Variants in SERPINB5 observed in about 807,000 individuals in gnomAD.
SERPINB5 encodes serpin family B member 5, also known as serpin B5.
A neutral mutation model predicts 32.2 loss-of-function variants in SERPINB5; 27 were observed. That is an observed-to-expected ratio of 0.84 (90% confidence interval 0.62 to 1.16). The LOEUF is 1.16. SERPINB5 is among the 50% of genes most tolerant of loss of function. The pLI is 0.00. For missense variants in SERPINB5, 388 were observed against 436.3 expected (o/e 0.89, Z 0.99); for synonymous variants, 154 against 157.4 (o/e 0.98, Z 0.16).
chr18:63,489,195 T>G (rs1259169422), intron 3 of SERPINB5, 152 bp from the exon 4 acceptor site: 5 of 429,564 alleles, frequency 1.2e-5, no homozygotes, highest in African/African-American at 2.0e-5. Flanking sequence ...AGAAATTCAC[T>G]GACTTCTACA....
chr18:63,498,429 G>A lies in SERPINB5; in HGVS notation c.568-691G>A, dbSNP rs564012755. Among the ~76,000 whole-genome samples the A allele has an allele frequency of 6.6e-6, 1 of 152,226 alleles. No homozygotes were observed. Among genetic ancestry groups the A allele is most frequent in the South Asian group, 2.1e-4 (1 of 4,822 alleles). The stretch of plus-strand genomic sequence containing the variant: ...AAAAGCCGTATAAATGGTTATGTGG[G>A]TTTGCAGTAGAATTTACTTTCAAGT... On this transcript the variant is annotated intron_variant, in intron 5 of 6. Coordinates refer to ENST00000382771, the MANE Select transcript of SERPINB5 (RefSeq NM_002639.5). The surrounding 1 kb of genome is among the most constrained non-coding windows in gnomAD (Gnocchi z 4.2).
chr18:63,504,131 C>G lies in SERPINB5; in HGVS notation c.*409C>G. 1 of 197,436 alleles carries G rather than the reference C, an allele frequency of 5.1e-6. No individual in the cohort carries two copies. The highest frequency in any genetic ancestry group is 1.1e-4 in the South Asian group (1 of 9,444). The allele number at this position is 197,436 out of a possible 1,614,324, so 12.2% of individuals were successfully genotyped here. On this transcript the variant is annotated 3_prime_UTR_variant, in exon 7 of 7. Coordinates refer to ENST00000382771, the MANE Select transcript of SERPINB5 (RefSeq NM_002639.5). The stretch of plus-strand genomic sequence containing the variant: ...AGAATGTTCCAGACATTCTCGCTTC[C>G]CTGAAAGACTGAAGAAAGTGTAGTG...
At chr18:63,489,294 CAA>C (rs1446934166) in intron 3 of SERPINB5, 51 bp from the exon 4 acceptor site, 34 of 996,260 alleles carry the variant, frequency 3.4e-5, no homozygotes, top group Non-Finnish European at 4.5e-5. Context: ...AAGAGAATAA[CAA>C]TGCAATAGCT....
intron 5 of SERPINB5, among the ~76,000 whole-genome samples, chr18:63,497,663 A>G (rs1180985462): frequency 6.6e-6 from 1 of 152,214 alleles, no homozygotes; most frequent in Non-Finnish European, 1.5e-5. Context: ...GAACACCCAT[A>G]TACCGATCAA....
Position 63,491,406 on chromosome 18 carries a change from A to ACCC in SERPINB5, c.425-1547_425-1546insCCC, listed in dbSNP as rs1909333417. ...GAGAAGAGAGAAACTGCGTCTCCCA[A>ACCC]AAAAAAAAAAAAAAAAAAAAAAGAA... On this transcript the variant is annotated intron_variant, in intron 4 of 6. Coordinates refer to ENST00000382771, the MANE Select transcript of SERPINB5 (RefSeq NM_002639.5). Among the ~76,000 whole-genome samples, 33 of 39,096 alleles carry ACCC rather than the reference A, an allele frequency of 8.4e-4. No individual in the cohort carries two copies. The East Asian group carries it at 9.5e-3, about 11-fold the overall frequency. 25.6% of individuals were successfully genotyped at this position (39,096 alleles called of 152,430 possible). A position where few individuals can be genotyped will look rare whatever the true frequency, so the allele number is the denominator to read the frequency against.
intron 1 of SERPINB5, among the ~76,000 whole-genome samples, chr18:63,479,782 A>G (rs6567361): frequency 0.57 from 86,783 of 151,886 alleles, 25,385 homozygotes; most frequent in Non-Finnish European, 0.65. Context: ...TGAAAGCAAC[A>G]TCATACCAAG....
chr18:63,503,927 T>C lies in SERPINB5; in HGVS notation c.*205T>C. The C allele has an allele frequency of 3.5e-6, 2 of 570,132 alleles. No homozygotes were observed. Among genetic ancestry groups the C allele is most frequent in the Non-Finnish European group, 6.1e-6 (2 of 327,804 alleles). The allele number at this position is 570,132 out of a possible 1,614,324, so 35.3% of individuals were successfully genotyped here. A position where few individuals can be genotyped will look rare whatever the true frequency, so the allele number is the denominator to read the frequency against. Reference sequence around the variant, plus strand: ...CTATCTTTTGTTTCCTTTTTTCCCATAAGACAATGACATACGCTTTTAATG... The same window carrying C: ...CTATCTTTTGTTTCCTTTTTTCCCACAAGACAATGACATACGCTTTTAATG... On this transcript the variant is annotated 3_prime_UTR_variant, in exon 7 of 7. Coordinates refer to ENST00000382771, the MANE Select transcript of SERPINB5 (RefSeq NM_002639.5).
intron 2 of SERPINB5, among the ~76,000 whole-genome samples, chr18:63,484,940 CA>C (rs1917185413): frequency 6.6e-6 from 1 of 151,918 alleles, no homozygotes. Context: ...AGGGTTTCAC[CA>C]TGTGGCCAGG....
intron 3 of SERPINB5, among the ~76,000 whole-genome samples, chr18:63,488,174 C>T (rs1178591969): frequency 6.6e-6 from 1 of 152,158 alleles, no homozygotes. Context: ...CTAATGTTTT[C>T]AGGTGAGATT....
chr18:63,483,228 A>G (rs952639056), intron 1 of SERPINB5, among the ~76,000 whole-genome samples: 1 of 152,066 alleles, frequency 6.6e-6, no homozygotes, highest in Non-Finnish European at 1.5e-5. Context: ...CTCCCATATT[A>G]CTTATTATAC....
intron 4 of SERPINB5, among the ~76,000 whole-genome samples, chr18:63,489,715 T>A (rs1239141823): frequency 6.6e-6 from 1 of 152,226 alleles, no homozygotes; most frequent in East Asian, 1.9e-4. Flanking sequence ...TCTGACGAGC[T>A]GTCACAGGCC....
intron 5 of SERPINB5, chr18:63,497,031 C>T (rs560298893): frequency 1.5e-4 from 85 of 553,754 alleles, no homozygotes; most frequent in Middle Eastern, 5.9e-4. Flanking sequence ...AGCTCTGATC[C>T]GCTGTTGTAC....
rs1427203541 is a variant in SERPINB5, at chr18:63,499,191, T to C, written c.639T>C (p.Asn213=). ...GTATGGGAAACATTGACAGTATCAA[T>C]TGTAAGATCATAGAGCTTCCTTTTC... The part of the protein sequence containing the change: ...TFCMGNIDSI[N]CKIIELPFQN... Residue 213 remains asparagine (N), a synonymous_variant, in exon 6 of 7, where the codon AAT becomes AAC. Coordinates refer to ENST00000382771, the MANE Select transcript of SERPINB5 (RefSeq NM_002639.5). 2.5e-6 allele frequency: 4 copies of C among 1,603,454 alleles called. No homozygotes were observed. In the East Asian group the frequency reaches 9.1e-5, roughly 36 times the overall value.
At chr18:63,497,226 G>A in intron 5 of SERPINB5, 5 of 748,610 alleles carry the variant, frequency 6.7e-6, no homozygotes, top group Non-Finnish European at 1.2e-5. Context: ...CAGTTGGTGT[G>A]GTTGGTTCAG....
At chr18:63,499,047 G>GTGTATA (rs376117295) in intron 5 of SERPINB5, 73 bp from the exon 6 acceptor site, 124 of 497,668 alleles carry the variant, frequency 2.5e-4, no homozygotes, top group Middle Eastern at 4.4e-4. Flanking sequence ...GCGCGTGTGT[G>GTGTATA]TATATATATA....
chr18:63,493,861 A>AAAAC (rs58878863), intron 5 of SERPINB5, among the ~76,000 whole-genome samples: 48 of 151,128 alleles, frequency 3.2e-4, no homozygotes, highest in South Asian at 1.3e-3. Context: ...CACCTCAAGA[A>AAAAC]AAACAAACAA....
chr18:63,490,362 C>T (rs1399352175), intron 4 of SERPINB5, among the ~76,000 whole-genome samples: 1 of 152,090 alleles, frequency 6.6e-6, no homozygotes, highest in Non-Finnish European at 1.5e-5. Context: ...CTCGTCCCTC[C>T]CTTAAAATTG....
Position 63,504,041 on chromosome 18 carries a change from A to T in SERPINB5, c.*319A>T, listed in dbSNP as rs1443613340. The T allele has an allele frequency of 3.5e-6, 1 of 286,830 alleles. No homozygotes were observed. Among genetic ancestry groups the T allele is most frequent in the Non-Finnish European group, 6.5e-6 (1 of 154,728 alleles). 17.8% of individuals were successfully genotyped at this position (286,830 alleles called of 1,614,324 possible). ...GCAGAAATACAGTCTTCCACAAAGAAAATTCCTATAAGGAAGATTTGGAAG... is the reference window on the plus strand; with the variant it reads ...GCAGAAATACAGTCTTCCACAAAGATAATTCCTATAAGGAAGATTTGGAAG... On this transcript the variant is annotated 3_prime_UTR_variant, in exon 7 of 7. Transcript: ENST00000382771.
chr18:63,503,184 T>C lies in SERPINB5; in HGVS notation c.736-146T>C. The C allele has an allele frequency of 3.6e-6, 3 of 841,418 alleles. No individual in the cohort carries two copies. In the South Asian group the frequency reaches 5.5e-5, roughly 16 times the overall value. 52.1% of individuals were successfully genotyped at this position (841,418 alleles called of 1,614,324 possible). A position where few individuals can be genotyped will look rare whatever the true frequency, so the allele number is the denominator to read the frequency against. ...TGGCTGCTGGGTCTCCTGAGTCACA[T>C]ACCAAAAACTTCTGGGCCATCTTTG... is the stretch of plus-strand genomic sequence containing the variant. On this transcript the variant is annotated intron_variant, in intron 6 of 6. Transcript: ENST00000382771.
Sources: allele counts gnomAD v4.1 joint callset (sites outside exome capture counted in the v4.1 genomes callset), GRCh38; gene constraint gnomAD v4.1.1; non-coding constraint Gnocchi (gnomAD v3.1); transcripts MANE v1.5; gene names NCBI Gene and HGNC (gene_info 2026-07-23, HGNC 2026-07-21).